SPAG16: variants seen among roughly 807,000 people sequenced by gnomAD.
The protein encoded by SPAG16 is sperm associated antigen 16, also known as sperm-associated antigen 16 protein.
Under a neutral mutation model 80.4 loss-of-function variants are expected in SPAG16, and 86 were observed. That is an observed-to-expected ratio of 1.07 (90% CI 0.90 to 1.28). SPAG16 has a LOEUF of 1.28. Among genes scored for constraint, SPAG16 ranks in the 50% most tolerant of loss-of-function variants. The pLI, the probability that SPAG16 is intolerant of heterozygous loss-of-function variation, is 0.00. For synonymous variants in SPAG16, 294 were observed against 265.9 expected (o/e 1.11, Z -1.03); for missense variants, 870 against 765.3 (o/e 1.14, Z -1.61).
intron 5 of SPAG16, among the ~76,000 whole-genome samples, chr2:213,323,443 A>G (rs964911987): frequency 6.6e-6 from 1 of 151,994 alleles, no homozygotes; most frequent in Admixed American, 6.6e-5. Context: ...TCCGTCTCAA[A>G]AAAAAAATAG....
intron 10 of SPAG16, among the ~76,000 whole-genome samples, chr2:213,794,308 A>G (rs983470757): frequency 1.3e-5 from 2 of 152,148 alleles, no homozygotes; most frequent in African/African-American, 4.8e-5. Flanking sequence ...GTGAGTTTTT[A>G]TTGGACATAA....
At chr2:214,305,891 T>G (rs1694876355) in intron 15 of SPAG16, among the ~76,000 whole-genome samples, 2 of 152,014 alleles carry the variant, frequency 1.3e-5, no homozygotes, top group Admixed American at 6.6e-5. Flanking sequence ...TAAAATAGTT[T>G]TTTTTTTCTA....
chr2:213,581,605 C>A (rs969145607), intron 10 of SPAG16, among the ~76,000 whole-genome samples: 1 of 152,104 alleles, frequency 6.6e-6, no homozygotes, highest in African/African-American at 2.4e-5. Context: ...CTGATTTTGA[C>A]TGGATTAAGC....
Position 214,174,928 on chromosome 2 carries a change from A to G in SPAG16, c.1720+25662A>G, listed in dbSNP as rs2057018248. ...TACTAGTTCCATACCCTGCCTAGAT[A>G]AAAAGGAGACTGAGAACTGTATTCC... On this transcript the variant is annotated intron_variant, in intron 15 of 15. Coordinates refer to ENST00000331683, the MANE Select transcript of SPAG16 (RefSeq NM_024532.5). Among the ~76,000 whole-genome samples the G allele has an allele frequency of 2.0e-5, 3 of 151,680 alleles. No individual in the cohort carries two copies. In the Admixed American group the frequency reaches 2.0e-4, roughly 10 times the overall value.
intron 12 of SPAG16, among the ~76,000 whole-genome samples, chr2:213,931,062 C>T (rs2078726240): frequency 6.7e-6 from 1 of 149,610 alleles, no homozygotes; most frequent in Admixed American, 6.8e-5. Context: ...GTAGCTCTTT[C>T]TTGAAGTTGT....
intron 15 of SPAG16, among the ~76,000 whole-genome samples, chr2:214,165,206 T>G (rs1183771856): frequency 1.3e-5 from 2 of 152,108 alleles, no homozygotes; most frequent in Non-Finnish European, 2.9e-5. Flanking sequence ...AAAAAAAGTT[T>G]GCATTTTAGG....
At chr2:213,938,817 C>G (rs902985656) in intron 12 of SPAG16, among the ~76,000 whole-genome samples, 1 of 151,802 alleles carries the variant, frequency 6.6e-6, no homozygotes, top group Non-Finnish European at 1.5e-5. Context: ...TATTGTTAAA[C>G]TTACTGTTAT....
chr2:213,323,006 T>A (rs1368609182), intron 5 of SPAG16, among the ~76,000 whole-genome samples: 1 of 152,140 alleles, frequency 6.6e-6, no homozygotes, highest in African/African-American at 2.4e-5. Flanking sequence ...AGGTGGCATG[T>A]GAAGCTAATA....
At chr2:214,387,212 A>G (rs980338089) in intron 15 of SPAG16, among the ~76,000 whole-genome samples, 4 of 152,192 alleles carry the variant, frequency 2.6e-5, no homozygotes, top group African/African-American at 9.7e-5. Context: ...TTAAGATGCC[A>G]TATATATAAT....
intron 10 of SPAG16, among the ~76,000 whole-genome samples, chr2:213,582,085 T>C (rs2060315763): frequency 6.6e-6 from 1 of 152,076 alleles, no homozygotes; most frequent in Admixed American, 6.6e-5. Flanking sequence ...TTAACCTAAA[T>C]TATATTATTA....
chr2:213,762,412 CAA>C (rs2068714622), intron 10 of SPAG16, among the ~76,000 whole-genome samples: 2 of 151,958 alleles, frequency 1.3e-5, no homozygotes, highest in Admixed American at 6.6e-5. Context: ...CAACAAAAAA[CAA>C]ACAGTATGGT....
chr2:214,155,677 AT>A (rs1450321531), intron 15 of SPAG16, among the ~76,000 whole-genome samples: 1 of 152,140 alleles, frequency 6.6e-6, no homozygotes, highest in East Asian at 1.9e-4. Context: ...TTACATAAAA[AT>A]AAAATTGCTG....
chr2:214,244,656 TA>T (rs1689719496), intron 15 of SPAG16, among the ~76,000 whole-genome samples: 1 of 152,090 alleles, frequency 6.6e-6, no homozygotes, highest in Non-Finnish European at 1.5e-5. Flanking sequence ...AGAGAATTTT[TA>T]AAAATAGTTA....
intron 13 of SPAG16, among the ~76,000 whole-genome samples, chr2:214,034,067 G>C (rs1297212997): frequency 6.6e-6 from 1 of 152,120 alleles, no homozygotes; most frequent in African/African-American, 2.4e-5. Flanking sequence ...TTTTGGAAAA[G>C]TACAGGCCAG....
chr2:213,285,866 T>A, intron 1 of SPAG16: 1 of 1,287,922 alleles, frequency 7.8e-7, no homozygotes, highest in Non-Finnish European at 1.0e-6. Context: ...TTAACAACGA[T>A]TTTCATAATT....
chr2:214,136,138 G>A (rs2055040429), intron 14 of SPAG16, among the ~76,000 whole-genome samples: 2 of 152,062 alleles, frequency 1.3e-5, no homozygotes, highest in South Asian at 2.1e-4. Context: ...AACTAGTAGA[G>A]TGAGAACTCA....
intron 13 of SPAG16, among the ~76,000 whole-genome samples, chr2:214,053,960 A>T (rs1236379826): frequency 2.0e-5 from 3 of 152,204 alleles, no homozygotes; most frequent in Non-Finnish European, 2.9e-5. Context: ...AAGGTTAATA[A>T]TAGGACAATG....
Position 213,310,087 on chromosome 2 carries a change from A to G in SPAG16, c.308A>G (p.His103Arg). The G allele has an allele frequency of 3.1e-6, 5 of 1,610,588 alleles. No individual in the cohort carries two copies. Among genetic ancestry groups the G allele is most frequent in the Non-Finnish European group, 2.5e-6 (3 of 1,178,092 alleles). Reference sequence around the variant, plus strand: ...CGGAAAACAGTTCTTCCTTCAAAGCATGCAGTACCTGAAGTAATAGAAGAC... The same window carrying G: ...CGGAAAACAGTTCTTCCTTCAAAGCGTGCAGTACCTGAAGTAATAGAAGAC... Reference protein sequence around the residue: ...LERKTVLPSKHAVPEVIEDFL... With the variant: ...LERKTVLPSKRAVPEVIEDFL... The change falls in exon 4 of 16, where the codon CAT becomes CGT. Residue 103 changes from histidine (H) to arginine (R), a missense_variant. Coordinates refer to ENST00000331683, the MANE Select transcript of SPAG16 (RefSeq NM_024532.5).
At chr2:213,434,817 G>A (rs964874492) in intron 9 of SPAG16, among the ~76,000 whole-genome samples, 1 of 152,150 alleles carries the variant, frequency 6.6e-6, no homozygotes, top group African/African-American at 2.4e-5. Context: ...TAGACTTTGT[G>A]AGGATGCAGA....
Sources: gnomAD v4.1 joint callset for allele counts (sites outside exome capture counted in the v4.1 genomes callset) on GRCh38, gnomAD v4.1.1 for gene constraint, MANE v1.5 for transcripts, NCBI Gene and HGNC (gene_info 2026-07-23, HGNC 2026-07-21) for gene names.